The following NTRK3 variants were observed in gnomAD, a reference collection of about 807,000 sequenced individuals.
NTRK3 encodes the protein neurotrophic receptor tyrosine kinase 3.
In NTRK3, 24 loss-of-function variants were observed where a neutral mutation model predicts 91.7. The observed-to-expected ratio is 0.26, with a 90% confidence interval of 0.19 to 0.37. The LOEUF (loss-of-function observed/expected upper bound fraction) is 0.37. Among genes scored for constraint, NTRK3 ranks in the 10% least tolerant of loss-of-function variants. The pLI, the probability that NTRK3 is intolerant of heterozygous loss-of-function variation, is 1.00. For missense variants in NTRK3, 880 were observed against 1,068.9 expected, an observed-to-expected ratio of 0.82 and a Z score of 2.46; for synonymous variants, 483 against 404.0, an observed-to-expected ratio of 1.20 and a Z score of -2.34.
chr15:88,074,655 A>G (rs1192682350), intron 13 of NTRK3, among the ~76,000 whole-genome samples: 1 of 152,178 alleles, frequency 6.6e-6, no homozygotes, highest in East Asian at 1.9e-4. Context: ...GATGACATCA[A>G]TAGCCGTATA....
At chr15:88,121,746 G>C (rs919906618) in intron 13 of NTRK3, among the ~76,000 whole-genome samples, 1 of 152,198 alleles carries the variant, frequency 6.6e-6, no homozygotes, top group African/African-American at 2.4e-5. Context: ...GCTCCAGCAG[G>C]AGGGCTGGCT....
At chr15:88,210,101 A>G (rs2049115380) in intron 3 of NTRK3, 6 of 152,202 alleles carry the variant, frequency 3.9e-5, no homozygotes, top group Admixed American at 3.9e-4. Context: ...AATAACAAAT[A>G]TTATCAATTT....
intron 13 of NTRK3, among the ~76,000 whole-genome samples, chr15:88,123,289 G>A (rs1320877879): frequency 3.9e-5 from 6 of 152,282 alleles, no homozygotes; most frequent in African/African-American, 1.4e-4. Context: ...TAACTTTGCT[G>A]AAGCCAATGA....
At chr15:88,013,557 C>G (rs905846692) in intron 14 of NTRK3, among the ~76,000 whole-genome samples, 3 of 152,220 alleles carry the variant, frequency 2.0e-5, no homozygotes, top group Admixed American at 6.5e-5. Context: ...GATCTGACAG[C>G]ATTAAGTAAC....
At chr15:88,064,397 T>C (rs1302935053) in intron 13 of NTRK3, among the ~76,000 whole-genome samples, 1 of 152,218 alleles carries the variant, frequency 6.6e-6, no homozygotes, top group Non-Finnish European at 1.5e-5. Context: ...GCCACACCCT[T>C]CCTTACTCCA....
intron 17 of NTRK3, among the ~76,000 whole-genome samples, chr15:87,888,476 G>T (rs1434093647): frequency 6.6e-6 from 1 of 152,186 alleles, no homozygotes; most frequent in East Asian, 1.9e-4. Context: ...AGAGCATCAA[G>T]TGCCTATTCC....
At position 88,123,816 on chromosome 15, in the gene NTRK3, T is replaced by A. The variant is rs117351316; in HGVS notation, c.1396+2455A>T. On this transcript the variant is annotated intron_variant, in intron 13 of 18. Transcript: ENST00000394480. ...TCAATAGGAAGGTTCAATAAGAGGT[T>A]ATGGAGACCAAGGTTTTATGATGCA... 1.1e-3 allele frequency among the ~76,000 whole-genome samples: 166 copies of A among 152,326 alleles called. No individual in the cohort carries two copies. The East Asian group carries it at 0.023, about 21-fold the overall frequency.
chr15:88,078,552 A>G (rs1266025854), intron 13 of NTRK3, among the ~76,000 whole-genome samples: 1 of 152,230 alleles, frequency 6.6e-6, no homozygotes, highest in Non-Finnish European at 1.5e-5. Flanking sequence ...CAGGAGGCTG[A>G]CGCAGGAGAA....
At chr15:88,096,688 C>G (rs2049639444) in intron 13 of NTRK3, among the ~76,000 whole-genome samples, 1 of 152,290 alleles carries the variant, frequency 6.6e-6, no homozygotes, top group Admixed American at 6.5e-5. Context: ...ACAGGAGTCA[C>G]TAAATACATG....
intron 3 of NTRK3, among the ~76,000 whole-genome samples, chr15:88,253,930 G>A (rs1199526617): frequency 6.6e-6 from 1 of 152,128 alleles, no homozygotes; most frequent in East Asian, 1.9e-4. Flanking sequence ...CTGCTTCCCT[G>A]AGCATCATTT....
exon 19 of NTRK3, chr15:87,869,426 C>T (rs1166384295): frequency 8.9e-6 from 2 of 224,504 alleles, no homozygotes; most frequent in East Asian, 6.4e-5. Flanking sequence ...ACTGAAATTA[C>T]TCCAGGGCAG....
chr15:87,933,483 G>A (rs1216411919), intron 15 of NTRK3, among the ~76,000 whole-genome samples: 3 of 152,260 alleles, frequency 2.0e-5, no homozygotes, highest in African/African-American at 7.2e-5. Context: ...AGTGTACATG[G>A]CAGCTGGAGG....
chr15:87,947,927 G>A (rs1035590822), intron 14 of NTRK3, among the ~76,000 whole-genome samples: 1 of 152,152 alleles, frequency 6.6e-6, no homozygotes, highest in African/African-American at 2.4e-5. Flanking sequence ...AAGAGGGCCA[G>A]CTTTGAACCT....
At chr15:87,963,958 T>G (rs2072547023) in intron 14 of NTRK3, among the ~76,000 whole-genome samples, 1 of 152,176 alleles carries the variant, frequency 6.6e-6, no homozygotes, top group South Asian at 2.1e-4. Flanking sequence ...CAAACTGTTG[T>G]GAAGAAATTA....
chr15:87,864,325 T>C (rs1001717925), exon 19 of NTRK3: 14 of 231,558 alleles, frequency 6.0e-5, no homozygotes, highest in Non-Finnish European at 1.1e-4. Flanking sequence ...ATGAATACAA[T>C]CAATCTTTTC....
chr15:88,142,648 A>G (rs1467956171), intron 6 of NTRK3, among the ~76,000 whole-genome samples: 3 of 152,230 alleles, frequency 2.0e-5, no homozygotes, highest in African/African-American at 7.2e-5. Context: ...CAAAGGATGG[A>G]GCCATCAGCA....
At chr15:88,078,619 C>T (rs534483880) in intron 13 of NTRK3, among the ~76,000 whole-genome samples, 12 of 152,194 alleles carry the variant, frequency 7.9e-5, no homozygotes, top group Non-Finnish European at 1.8e-4. Flanking sequence ...CATTGCACTC[C>T]AGCCTGGGCA....
At chr15:88,242,063 C>T (rs535980091) in intron 3 of NTRK3, among the ~76,000 whole-genome samples, 1 of 152,244 alleles carries the variant, frequency 6.6e-6, no homozygotes, top group African/African-American at 2.4e-5. Context: ...AACGAATGAA[C>T]GGTTGCCTGG....
intron 18 of NTRK3, among the ~76,000 whole-genome samples, chr15:87,878,892 T>C (rs2065079859): frequency 6.8e-6 from 1 of 146,842 alleles, no homozygotes; most frequent in African/African-American, 2.5e-5. Flanking sequence ...GAGGCAGTGT[T>C]CAGGTGCATG....
Sources: allele counts gnomAD v4.1 joint callset (sites outside exome capture counted in the v4.1 genomes callset), GRCh38; gene constraint gnomAD v4.1.1; transcripts MANE v1.5; gene names NCBI Gene and HGNC (gene_info 2026-07-23, HGNC 2026-07-21).